The following NEMP2 variants were observed in gnomAD, a reference collection of about 807,000 sequenced individuals.
The protein encoded by NEMP2 is nuclear envelope integral membrane protein 2.
A neutral mutation model predicts 54.2 loss-of-function variants in NEMP2; 53 were observed. That is an observed-to-expected ratio of 0.98 (90% confidence interval 0.78 to 1.23). The LOEUF is 1.23. Among genes scored for constraint, NEMP2 ranks in the 50% most tolerant of loss-of-function variants. The pLI is 0.00. For missense variants in NEMP2, 455 were observed against 511.3 expected (o/e 0.89, Z 1.06); for synonymous variants, 197 against 190.3 (o/e 1.04, Z -0.29).
chr2:190,644,317 G>A, the NEMP2 span, among the ~76,000 whole-genome samples: 1 of 152,200 alleles, frequency 6.6e-6, no homozygotes, highest in Non-Finnish European at 1.5e-5. This position sits in a 1 kb window ranked among gnomAD's most constrained non-coding sequence, Gnocchi z 4.4. Flanking sequence ...TAATGCCAAC[G>A]TGCATCTTCC....
chr2:190,456,006 T>C, the NEMP2 span, among the ~76,000 whole-genome samples: 9 of 134,086 alleles, frequency 6.7e-5, 1 homozygote, highest in South Asian at 2.2e-3. The surrounding 1 kb of genome is among the most constrained non-coding windows in gnomAD (Gnocchi z 5.4). Flanking sequence ...AGCGGCATGA[T>C]CTCGGCTCAC....
intron 5 of NEMP2, among the ~76,000 whole-genome samples, chr2:190,516,891 G>A (rs541719042): frequency 3.4e-4 from 52 of 152,206 alleles, no homozygotes; most frequent in Admixed American, 3.3e-4. Flanking sequence ...AGGAGTTCAA[G>A]ACCAGCCTGG....
chr2:190,463,054 C>CA, the NEMP2 span, among the ~76,000 whole-genome samples: 7 of 151,230 alleles, frequency 4.6e-5, no homozygotes, highest in African/African-American at 9.7e-5. This position sits in a 1 kb window ranked among gnomAD's most constrained non-coding sequence, Gnocchi z 4.4. Context: ...ATGGAGAGGA[C>CA]AAAAAAAGGG....
At chr2:190,464,438 C>A in the NEMP2 span, among the ~76,000 whole-genome samples, 2 of 152,118 alleles carry the variant, frequency 1.3e-5, no homozygotes, top group African/African-American at 4.8e-5. Context: ...GCTGCTCACA[C>A]CCTGTGTTGT....
chr2:190,640,181 C>A, the NEMP2 span, among the ~76,000 whole-genome samples: 1 of 151,760 alleles, frequency 6.6e-6, no homozygotes, highest in South Asian at 2.1e-4. Flanking sequence ...TCTTATTTAA[C>A]TAATACATTA....
At chr2:190,574,661 CTAAT>C in the NEMP2 span, among the ~76,000 whole-genome samples, 1 of 152,076 alleles carries the variant, frequency 6.6e-6, no homozygotes, top group Non-Finnish European at 1.5e-5. Flanking sequence ...CCCTAGGTAG[CTAAT>C]TACTTTCTTT....
chr2:190,436,985 AAC>A, the NEMP2 span: 1 of 1,614,232 alleles, frequency 6.2e-7, no homozygotes, highest in Non-Finnish European at 8.5e-7. The surrounding 1 kb of genome is among the most constrained non-coding windows in gnomAD (Gnocchi z 5.3). Flanking sequence ...TATCTGGGAA[AAC>A]ACAGAGATCG....
At position 190,510,662 on chromosome 2, in the gene NEMP2, A is replaced by G. The variant is rs1690330268; in HGVS notation, c.954-125T>C. On this transcript the variant is annotated intron_variant, in intron 7 of 8. Coordinates refer to ENST00000409150, the MANE Select transcript of NEMP2 (RefSeq NM_001142645.2). This position sits in a 1 kb window ranked among gnomAD's most constrained non-coding sequence, Gnocchi z 5.7. ...TTTGGGAGGCCTGGGGAGGCGGATC[A>G]CGAGGTCAGGAGATTGAGACGGTCC... The G allele has an allele frequency of 1.2e-6, 1 of 869,546 alleles. No homozygotes were observed. The highest frequency in any genetic ancestry group is 2.7e-5 in the East Asian group (1 of 37,494). 53.9% of individuals were successfully genotyped at this position (869,546 alleles called of 1,614,324 possible).
the NEMP2 span, among the ~76,000 whole-genome samples, chr2:190,644,395 T>G: frequency 6.6e-6 from 1 of 152,236 alleles, no homozygotes. This position sits in a 1 kb window ranked among gnomAD's most constrained non-coding sequence, Gnocchi z 4.4. Context: ...GAAGGAGCAG[T>G]GTTCATTTAC....
At chr2:190,456,300 AG>A in the NEMP2 span, among the ~76,000 whole-genome samples, 1 of 152,084 alleles carries the variant, frequency 6.6e-6, no homozygotes, top group African/African-American at 2.4e-5. This position sits in a 1 kb window ranked among gnomAD's most constrained non-coding sequence, Gnocchi z 5.4. Flanking sequence ...CAGACAGAGA[AG>A]GTGTTTAGCA....
At chr2:190,469,550 T>A in the NEMP2 span, 2 of 266,526 alleles carry the variant, frequency 7.5e-6, no homozygotes, top group Non-Finnish European at 1.4e-5. This position sits in a 1 kb window ranked among gnomAD's most constrained non-coding sequence, Gnocchi z 5.3. Context: ...AGAAGCCATC[T>A]TCTTATTCCT....
At chr2:190,517,747 C>T (rs1690611866) in intron 4 of NEMP2, 134 bp from the exon 5 acceptor site, 2 of 661,028 alleles carry the variant, frequency 3.0e-6, no homozygotes, top group Non-Finnish European at 5.2e-6. Flanking sequence ...CTCATTACAT[C>T]CTATACTCTT....
chr2:190,526,208 C>T (rs1194413326), intron 1 of NEMP2, among the ~76,000 whole-genome samples: 1 of 152,164 alleles, frequency 6.6e-6, no homozygotes, highest in Non-Finnish European at 1.5e-5. Flanking sequence ...GGAATGCAGT[C>T]ACTGCCAGGA....
the NEMP2 span, among the ~76,000 whole-genome samples, chr2:190,586,301 G>A: frequency 4.5e-4 from 69 of 152,190 alleles, no homozygotes; most frequent in Middle Eastern, 6.8e-3. This position sits in a 1 kb window ranked among gnomAD's most constrained non-coding sequence, Gnocchi z 4.5. Flanking sequence ...ATGAATGAAT[G>A]GCTAAGTACC....
chr2:190,448,480 G>A, the NEMP2 span, among the ~76,000 whole-genome samples: 1 of 152,168 alleles, frequency 6.6e-6, no homozygotes, highest in Non-Finnish European at 1.5e-5. Flanking sequence ...TAATGCAGGG[G>A]TTAAAAGAAA....
the NEMP2 span, chr2:190,488,602 G>A: frequency 1.5e-6 from 2 of 1,362,752 alleles, no homozygotes; most frequent in Non-Finnish European, 1.9e-6. The surrounding 1 kb of genome is among the most constrained non-coding windows in gnomAD (Gnocchi z 6.4). Flanking sequence ...TTTCAAAACA[G>A]AGTAGCCTAA....
the NEMP2 span, chr2:190,497,511 A>G: frequency 6.2e-7 from 1 of 1,614,244 alleles, no homozygotes. This position sits in a 1 kb window ranked among gnomAD's most constrained non-coding sequence, Gnocchi z 5.2. Flanking sequence ...GACTTGGTAC[A>G]GCAACAGACA....
At chr2:190,457,145 G>A in the NEMP2 span, among the ~76,000 whole-genome samples, 1 of 152,156 alleles carries the variant, frequency 6.6e-6, no homozygotes, top group Non-Finnish European at 1.5e-5. The surrounding 1 kb of genome is among the most constrained non-coding windows in gnomAD (Gnocchi z 5.1). Flanking sequence ...CATGTAGGGA[G>A]CTTGGAGTGT....
chr2:190,464,106 C>G, the NEMP2 span, among the ~76,000 whole-genome samples: 12 of 152,294 alleles, frequency 7.9e-5, no homozygotes, highest in East Asian at 1.4e-3. Context: ...GTCTTCATCT[C>G]CCACCCTGGC....
Sources: allele counts gnomAD v4.1 joint callset (sites outside exome capture counted in the v4.1 genomes callset), GRCh38; gene constraint gnomAD v4.1.1; non-coding constraint Gnocchi (gnomAD v3.1); transcripts MANE v1.5; gene names NCBI Gene and HGNC (gene_info 2026-07-23, HGNC 2026-07-21).